Variants in GET4 observed in about 807,000 individuals in gnomAD.
The protein encoded by GET4 is guided entry of tail-anchored proteins factor 4.
GET4 carries 20 observed loss-of-function variants against 40.0 expected under a neutral mutation model. That is an observed-to-expected ratio of 0.50 (90% CI 0.35 to 0.73). The LOEUF (loss-of-function observed/expected upper bound fraction) is 0.73. GET4 is among the 30% of genes least tolerant of loss of function. GET4 has a pLI of 0.01. For missense variants in GET4, 557 were observed against 454.0 expected (o/e 1.23, Z -2.06); for synonymous variants, 280 against 194.6 (o/e 1.44, Z -3.65).
At chr7:889,245 G>A (rs1585497107) in intron 4 of GET4, among the ~76,000 whole-genome samples, 2 of 152,238 alleles carry the variant, frequency 1.3e-5, no homozygotes, top group South Asian at 4.1e-4. Context: ...ACACCGTGAC[G>A]GTGCTGTGGG....
intron 6 of GET4, 135 bp downstream of exon 6, chr7:892,553 T>A: frequency 2.3e-6 from 2 of 867,158 alleles, no homozygotes; most frequent in Non-Finnish European, 3.6e-6. Context: ...ATGCATAGGG[T>A]ATGAGTGCTG....
intron 1 of GET4, chr7:879,646 A>G (rs1469424158): frequency 1.3e-5 from 2 of 152,264 alleles, no homozygotes; most frequent in East Asian, 3.8e-4. Context: ...CAGCCAGGCT[A>G]CATCGCATTT....
intron 6 of GET4, among the ~76,000 whole-genome samples, chr7:893,094 CGTGGTGATGTGT>C (rs1844369643): frequency 8.0e-6 from 1 of 124,630 alleles, no homozygotes; most frequent in Admixed American, 8.3e-5. Context: ...TGGGTGCGGG[CGTGGTGATGTGT>C]GCAGGCAAGT....
chr7:889,613 G>A (rs966654778), intron 4 of GET4, among the ~76,000 whole-genome samples: 2 of 152,176 alleles, frequency 1.3e-5, no homozygotes, highest in Admixed American at 1.3e-4. Context: ...GAGAAGGGCT[G>A]GGCTCCCAAG....
chr7:894,368 G>T (rs887884183), intron 8 of GET4, among the ~76,000 whole-genome samples: 1 of 152,168 alleles, frequency 6.6e-6, no homozygotes, highest in African/African-American at 2.4e-5. Context: ...GCGGCGGGGC[G>T]GGTGTCTCAC....
chr7:876,806 C>G lies in GET4; in HGVS notation c.155+6C>G, dbSNP rs754883028. The G allele has an allele frequency of 9.2e-6, 11 of 1,195,830 alleles. No individual in the cohort carries two copies. In the East Asian group the frequency reaches 1.7e-4, roughly 18 times the overall value. 74.1% of individuals were successfully genotyped at this position (1,195,830 alleles called of 1,614,324 possible). ...TACCGGACCCTGTTCTTCAGGTACCCGCGCCCGGCCCTCGCCGCAGCCCAG... is the reference window on the plus strand; with the variant it reads ...TACCGGACCCTGTTCTTCAGGTACCGGCGCCCGGCCCTCGCCGCAGCCCAG... On this transcript the variant is annotated splice_donor_region_variant and intron_variant, in intron 1 of 8. Transcript: ENST00000265857.
intron 3 of GET4, 91 bp from the exon 4 acceptor site, chr7:887,279 T>G (rs1207971101): frequency 7.7e-7 from 1 of 1,294,458 alleles, no homozygotes; most frequent in African/African-American, 1.4e-5. Context: ...TGTTAAGTAG[T>G]TGCGAATGGA....
At chr7:892,224 G>T in intron 5 of GET4, 54 bp from the exon 6 acceptor site, 2 of 1,568,220 alleles carry the variant, frequency 1.3e-6, no homozygotes, top group South Asian at 1.1e-5. Flanking sequence ...GCGCCTGTGC[G>T]GGCAGAAGCT....
chr7:879,314 A>G (rs1844036754), intron 1 of GET4, among the ~76,000 whole-genome samples: 1 of 152,242 alleles, frequency 6.6e-6, no homozygotes, highest in African/African-American at 2.4e-5. Context: ...TGGTGAGCCC[A>G]AGCGAAGGTG....
Position 883,694 on chromosome 7 carries a change from G to T in GET4, c.156-2362G>T, listed in dbSNP as rs976066968. The T allele has an allele frequency of 4.8e-5, 47 of 985,908 alleles. No homozygotes were observed. The African/African-American group carries it at 7.1e-4, about 15-fold the overall frequency. 61.1% of individuals were successfully genotyped at this position (985,908 alleles called of 1,614,324 possible). On this transcript the variant is annotated intron_variant, in intron 1 of 8. Coordinates refer to ENST00000265857, the MANE Select transcript of GET4 (RefSeq NM_015949.3). Reference sequence around the variant, plus strand: ...CAGAGCCGGGCCGGGAGAAGGCCCGGCCATGCCCAGCTGCCCCCCACTCTC... The same window carrying T: ...CAGAGCCGGGCCGGGAGAAGGCCCGTCCATGCCCAGCTGCCCCCCACTCTC...
At chr7:894,164 A>C (rs1844413302) in intron 8 of GET4, among the ~76,000 whole-genome samples, 193 bp downstream of exon 8, 1 of 152,186 alleles carries the variant, frequency 6.6e-6, no homozygotes, top group African/African-American at 2.4e-5. Flanking sequence ...GGTGGCTCGC[A>C]GCCCCGTCTC....
rs1272048695 is a variant in GET4 at position 876,777 on chromosome 7, G to C, written c.132G>C (p.Gln44His). 3.8e-6 allele frequency: 5 copies of C among 1,320,346 alleles called. No homozygotes were observed. The highest frequency in any genetic ancestry group is 4.9e-6 in the Non-Finnish European group (5 of 1,020,282). 81.8% of individuals were successfully genotyped at this position (1,320,346 alleles called of 1,614,324 possible). A position where few individuals can be genotyped will look rare whatever the true frequency, so the allele number is the denominator to read the frequency against. The change falls in exon 1 of 9, where the codon CAG (glutamine) becomes CAC (histidine). Residue 44 changes from glutamine to histidine, a missense_variant. Gln to His is a conservative substitution (Grantham distance 24). Coordinates refer to ENST00000265857, the MANE Select transcript of GET4 (RefSeq NM_015949.3). ...VEKGDYYEAH[Q>H]MYRTLFFRYM... ...AGGGCGACTACTACGAGGCGCACCA[G>C]ATGTACCGGACCCTGTTCTTCAGGT...
At chr7:877,192 C>T (rs181291206) in intron 1 of GET4, among the ~76,000 whole-genome samples, 46 of 99,598 alleles carry the variant, frequency 4.6e-4, no homozygotes, top group African/African-American at 1.8e-3. Flanking sequence ...CCCCGCCCCA[C>T]CTTGGTCTCG....
intron 1 of GET4, 35 bp from the exon 2 acceptor site, chr7:886,021 C>T (rs369561556): frequency 3.2e-5 from 43 of 1,326,560 alleles, no homozygotes; most frequent in South Asian, 1.7e-4. Flanking sequence ...GGCGAGGGCA[C>T]GTGGGCGTGG....
intron 4 of GET4, among the ~76,000 whole-genome samples, chr7:890,589 C>G (rs1179949403): frequency 6.6e-6 from 1 of 152,088 alleles, no homozygotes; most frequent in East Asian, 1.9e-4. Context: ...ATATTGCGCC[C>G]TGTAAGTTGC....
chr7:880,231 C>G (rs957303844), intron 1 of GET4: 5 of 152,352 alleles, frequency 3.3e-5, no homozygotes, highest in Non-Finnish European at 7.3e-5. Context: ...ATCCCAGCTG[C>G]TCCAGAGGCT....
intron 8 of GET4, among the ~76,000 whole-genome samples, 183 bp downstream of exon 8, chr7:894,154 G>A (rs1249008767): frequency 2.6e-5 from 4 of 151,196 alleles, no homozygotes; most frequent in Admixed American, 1.3e-4. Context: ...ATTCTGGCAC[G>A]GTGGCTCGCA....
chr7:889,157 C>T (rs903996073), intron 4 of GET4, among the ~76,000 whole-genome samples: 1 of 152,274 alleles, frequency 6.6e-6, no homozygotes, highest in Non-Finnish European at 1.5e-5. Flanking sequence ...GAGGGCTGCG[C>T]TCGGCGCATC....
At chr7:893,216 AGT>A (rs1422398989) in intron 6 of GET4, among the ~76,000 whole-genome samples, 12 of 100,442 alleles carry the variant, frequency 1.2e-4, no homozygotes, top group South Asian at 9.9e-4. Flanking sequence ...TGTGCAGGTG[AGT>A]GTTGGGCGTG....
Sources: allele counts gnomAD v4.1 joint callset (sites outside exome capture counted in the v4.1 genomes callset), GRCh38; gene constraint gnomAD v4.1.1; transcripts MANE v1.5; gene names NCBI Gene and HGNC (gene_info 2026-07-23, HGNC 2026-07-21).